Variants in VAV3 observed in about 807,000 individuals in gnomAD.
VAV3 encodes the protein guanine nucleotide exchange factor VAV3.
VAV3 carries 94 observed loss-of-function variants against 131.2 expected under a neutral mutation model. That is an observed-to-expected ratio of 0.72 (90% CI 0.61 to 0.85). The LOEUF (loss-of-function observed/expected upper bound fraction) is 0.85, where lower values mean the gene tolerates loss of function less well. VAV3 is among the 40% of genes least tolerant of loss of function. The pLI is 0.00. For synonymous variants in VAV3, 349 were observed against 342.0 expected, an observed-to-expected ratio of 1.02 and a Z score of -0.22; for missense variants, 939 against 1,002.7, an observed-to-expected ratio of 0.94 and a Z score of 0.86.
At chr1:107,867,747 C>T (rs1670066783) in intron 2 of VAV3, among the ~76,000 whole-genome samples, 2 of 152,096 alleles carry the variant, frequency 1.3e-5, no homozygotes, top group South Asian at 4.1e-4. Flanking sequence ...TGAGCCAGCT[C>T]TAGGCTGGAA....
chr1:107,606,228 T>C (rs558257855), intron 22 of VAV3, among the ~76,000 whole-genome samples: 1 of 152,292 alleles, frequency 6.6e-6, no homozygotes, highest in East Asian at 1.9e-4. Context: ...ATAGTTTGGT[T>C]ATTGGGTAAA....
At chr1:107,781,677 C>T (rs935972090) in intron 2 of VAV3, among the ~76,000 whole-genome samples, 6 of 152,070 alleles carry the variant, frequency 3.9e-5, no homozygotes, top group African/African-American at 7.2e-5. Context: ...ATATTCTAAC[C>T]GTAGCCCCCT....
intron 5 of VAV3, among the ~76,000 whole-genome samples, chr1:107,771,714 A>T (rs1665059224): frequency 6.6e-6 from 1 of 152,216 alleles, no homozygotes; most frequent in African/African-American, 2.4e-5. Flanking sequence ...GAAGAGTCCT[A>T]CCCATCTAAA....
intron 19 of VAV3, among the ~76,000 whole-genome samples, chr1:107,645,515 T>C (rs1391278915): frequency 6.6e-6 from 1 of 152,054 alleles, no homozygotes; most frequent in Non-Finnish European, 1.5e-5. Context: ...ATAGTAGGTG[T>C]TCTACAATAC....
At chr1:107,899,136 G>A (rs980451867) in intron 1 of VAV3, among the ~76,000 whole-genome samples, 1 of 152,128 alleles carries the variant, frequency 6.6e-6, no homozygotes, top group African/African-American at 2.4e-5. Flanking sequence ...TACCTACAAG[G>A]GTGGGGGCAG....
At chr1:107,963,155 GAGTTCCAGGAAACA>G (rs140774888) in intron 1 of VAV3, among the ~76,000 whole-genome samples, 4,980 of 152,188 alleles carry the variant, frequency 0.033, 111 homozygotes, top group East Asian at 0.1. Flanking sequence ...CAACTGCTGA[GAGTTCCAGGAAACA>G]AGTTCCAGGA....
At chr1:107,784,799 T>C (rs1476078081) in intron 2 of VAV3, among the ~76,000 whole-genome samples, 1 of 152,210 alleles carries the variant, frequency 6.6e-6, no homozygotes, top group Non-Finnish European at 1.5e-5. Context: ...CTAAATTGTT[T>C]TAAAGATTAG....
At chr1:107,658,932 G>A (rs1055781388) in intron 19 of VAV3, among the ~76,000 whole-genome samples, 1 of 152,076 alleles carries the variant, frequency 6.6e-6, no homozygotes, top group Non-Finnish European at 1.5e-5. Flanking sequence ...TTCTTTTGCT[G>A]TGCAGAAGCT....
In VAV3 at chr1:107,710,743, G is replaced by T. The variant is rs550247128; in HGVS notation, c.1503-5682C>A. On this transcript the variant is annotated intron_variant, in intron 15 of 26. Coordinates refer to ENST00000370056, the MANE Select transcript of VAV3 (RefSeq NM_006113.5). ...TTTAAAATAATATGGATAGTTTATCGCCAGGATAGTTAGCGATATCATGAC... is the reference window on the plus strand; with the variant it reads ...TTTAAAATAATATGGATAGTTTATCTCCAGGATAGTTAGCGATATCATGAC... Among the ~76,000 whole-genome samples the T allele has an allele frequency of 6.1e-4, 92 of 151,772 alleles. 1 individual carries two copies. The highest frequency in any genetic ancestry group is 1.2e-3 in the Non-Finnish European group (81 of 67,944).
In VAV3 at chr1:107,936,152, A is replaced by T. The variant is rs140121037; in HGVS notation, c.204+28514T>A. Among the ~76,000 whole-genome samples, 235 of 152,346 alleles carry T rather than the reference A, an allele frequency of 1.5e-3. 1 individual carries two copies. Among genetic ancestry groups the T allele is most frequent in the Non-Finnish European group, 2.8e-3 (188 of 68,028 alleles). On this transcript the variant is annotated intron_variant, in intron 1 of 26. Transcript: ENST00000370056. Reference sequence around the variant, plus strand: ...GAGGGGCTCAAAAATATGAATTGATAGATAAAACATCCTGAAAATACACCC... The same window carrying T: ...GAGGGGCTCAAAAATATGAATTGATTGATAAAACATCCTGAAAATACACCC...
intron 19 of VAV3, among the ~76,000 whole-genome samples, chr1:107,648,114 C>T (rs927590932): frequency 1.3e-5 from 2 of 152,016 alleles, no homozygotes; most frequent in African/African-American, 2.4e-5. Context: ...AAAGGGAACA[C>T]TCCCCATCAA....
intron 2 of VAV3, among the ~76,000 whole-genome samples, chr1:107,866,399 A>T (rs1188762876): frequency 2.0e-5 from 3 of 152,148 alleles, no homozygotes; most frequent in Non-Finnish European, 4.4e-5. Context: ...ACATTTTTGG[A>T]AGATTATGTT....
At chr1:107,728,600 C>CGTATATGTATACGTATACGTATAT (rs1662003464) in intron 15 of VAV3, among the ~76,000 whole-genome samples, 1 of 136,908 alleles carries the variant, frequency 7.3e-6, no homozygotes, top group Non-Finnish European at 1.5e-5. Context: ...TATACGTATA[C>CGTATATGTATACGTATACGTATAT]GTATATGTAT....
intron 15 of VAV3, among the ~76,000 whole-genome samples, chr1:107,720,187 T>A (rs1024956915): frequency 1.3e-5 from 2 of 151,868 alleles, no homozygotes; most frequent in Admixed American, 1.3e-4. Flanking sequence ...TGTGCACATG[T>A]ACCCTAAAAC....
chr1:107,890,424 T>G (rs1232094505), intron 1 of VAV3, among the ~76,000 whole-genome samples: 1 of 152,192 alleles, frequency 6.6e-6, no homozygotes, highest in African/African-American at 2.4e-5. Flanking sequence ...TGTCTTAGCC[T>G]TCCCATAAAC....
intron 24 of VAV3, among the ~76,000 whole-genome samples, chr1:107,598,185 C>A (rs956915075): frequency 6.6e-6 from 1 of 152,134 alleles, no homozygotes; most frequent in South Asian, 2.1e-4. Flanking sequence ...GAAACCCTGT[C>A]TCTACCAAAA....
chr1:107,906,541 C>T (rs1672117500), intron 1 of VAV3, among the ~76,000 whole-genome samples: 1 of 152,090 alleles, frequency 6.6e-6, no homozygotes, highest in Non-Finnish European at 1.5e-5. Context: ...TGGCAGGCAC[C>T]TGTAGTCCCA....
At chr1:107,714,746 ACATCTTCAC>A (rs1660993944) in intron 15 of VAV3, among the ~76,000 whole-genome samples, 2 of 152,158 alleles carry the variant, frequency 1.3e-5, no homozygotes, top group African/African-American at 4.8e-5. Context: ...TTCAGAAGGG[ACATCTTCAC>A]CTATTCCTTT....
chr1:107,874,291 G>A (rs901875375), intron 2 of VAV3, among the ~76,000 whole-genome samples: 5 of 151,972 alleles, frequency 3.3e-5, no homozygotes, highest in African/African-American at 7.2e-5. Context: ...GTGTGCATAC[G>A]GATAACAGTA....
Sources: gnomAD v4.1 joint callset for allele counts (sites outside exome capture counted in the v4.1 genomes callset) on GRCh38, gnomAD v4.1.1 for gene constraint, MANE v1.5 for transcripts, NCBI Gene and HGNC (gene_info 2026-07-23, HGNC 2026-07-21) for gene names.